The following PGM2 variants were observed in gnomAD, a reference collection of about 807,000 sequenced individuals.
PGM2 encodes phosphopentomutase.
In PGM2, 57 loss-of-function variants were observed where a neutral mutation model predicts 74.6. The ratio of observed to expected loss-of-function variants is 0.76; its 90% confidence interval spans 0.62 to 0.95. The LOEUF (loss-of-function observed/expected upper bound fraction) is 0.95. PGM2 is among the 40% of genes least tolerant of loss of function. The probability of loss-of-function intolerance (pLI) is 0.00; values close to 1 mark genes in which losing one functional copy is unlikely to be tolerated. For synonymous variants in PGM2, 273 were observed against 260.7 expected, an observed-to-expected ratio of 1.05 and a Z score of -0.46; for missense variants, 706 against 741.9, an observed-to-expected ratio of 0.95 and a Z score of 0.56.
At position 37,847,588 on chromosome 4, in the gene PGM2, C is replaced by T. The variant is rs534003243; in HGVS notation, c.1282+293C>T. 4 of 364,230 alleles carry T rather than the reference C, an allele frequency of 1.1e-5. No homozygotes were observed. In the East Asian group the frequency reaches 2.6e-4, roughly 24 times the overall value. The allele number at this position is 364,230 out of a possible 1,614,324, so 22.6% of individuals were successfully genotyped here. On this transcript the variant is annotated intron_variant, in intron 10 of 13. Transcript: ENST00000381967. The stretch of plus-strand genomic sequence containing the variant: ...TATTTTGGGAGTTGTGATGTTTCCT[C>T]CACTGTGGTGGTTAATATCCAGGCC...
Position 37,830,034 on chromosome 4 carries a change from T to G in PGM2, c.152T>G (p.Phe51Cys). 1 of 1,607,956 alleles carries G rather than the reference T, an allele frequency of 6.2e-7. No individual in the cohort carries two copies. The highest frequency in any genetic ancestry group is 1.3e-5 in the African/African-American group (1 of 74,884). ...EGNKEELRKC[F>C]GARMEFGTAG... ...AATAAAGAAGAACTACGAAAATGTTTTGGGGCCCGAATGGAGTTTGGGACA... is the reference window on the plus strand; with the variant it reads ...AATAAAGAAGAACTACGAAAATGTTGTGGGGCCCGAATGGAGTTTGGGACA... The change falls in exon 2 of 14, where the codon TTT (phenylalanine) becomes TGT (cysteine). Residue 51 changes from phenylalanine to cysteine, a missense_variant. Phe to Cys is a radical substitution (Grantham distance 205, BLOSUM62 -2). This residue lies in a region of PGM2 where 332 missense variants were observed against 334.9 expected (regional missense o/e 0.99). Transcript: ENST00000381967.
At chr4:37,847,704 C>T (rs1403758576) in intron 10 of PGM2, among the ~76,000 whole-genome samples, 1 of 152,128 alleles carries the variant, frequency 6.6e-6, no homozygotes, top group Non-Finnish European at 1.5e-5. Context: ...AGAAGGAAGG[C>T]ATGGTTTGCT....
intron 1 of PGM2, among the ~76,000 whole-genome samples, chr4:37,827,221 T>C (rs1725316669): frequency 6.6e-6 from 1 of 152,220 alleles, no homozygotes; most frequent in South Asian, 2.1e-4. Flanking sequence ...CCGTCCCGCG[T>C]ATTCCTTTGG....
intron 5 of PGM2, 35 bp from the exon 6 acceptor site, chr4:37,840,031 T>A: frequency 6.3e-7 from 1 of 1,582,054 alleles, no homozygotes; most frequent in Non-Finnish European, 8.7e-7. Context: ...TTCCATTAAC[T>A]GTAAACCTTC....
At chr4:37,856,678 A>C (rs1346454677) in intron 13 of PGM2, among the ~76,000 whole-genome samples, 1 of 152,152 alleles carries the variant, frequency 6.6e-6, no homozygotes, top group Non-Finnish European at 1.5e-5. Flanking sequence ...CCTATCCAAC[A>C]TGCCGTTAAC....
intron 2 of PGM2, among the ~76,000 whole-genome samples, chr4:37,833,919 T>G (rs1323415515): frequency 6.6e-6 from 1 of 152,176 alleles, no homozygotes; most frequent in African/African-American, 2.4e-5. Flanking sequence ...TTCTAGAGTA[T>G]GTGCTTTTAA....
intron 1 of PGM2, among the ~76,000 whole-genome samples, chr4:37,828,735 C>T (rs1449618023): frequency 6.6e-6 from 1 of 152,212 alleles, no homozygotes; most frequent in East Asian, 1.9e-4. Context: ...GAGGATCACT[C>T]GATATTGAGT....
chr4:37,834,979 TC>T (rs1276890662), intron 3 of PGM2, among the ~76,000 whole-genome samples: 1 of 152,206 alleles, frequency 6.6e-6, no homozygotes, highest in Non-Finnish European at 1.5e-5. Flanking sequence ...ATATTATTTT[TC>T]CCTCTCATTT....
chr4:37,828,368 T>G (rs1725352881), intron 1 of PGM2, among the ~76,000 whole-genome samples: 1 of 151,750 alleles, frequency 6.6e-6, no homozygotes. Flanking sequence ...TTTAATCACT[T>G]CTCATGTTCT....
chr4:37,828,560 T>C (rs1725356976), intron 1 of PGM2, among the ~76,000 whole-genome samples: 2 of 152,220 alleles, frequency 1.3e-5, no homozygotes, highest in South Asian at 4.1e-4. Context: ...CCCTGCTCTT[T>C]TCTCTGCTGT....
rs535172295 is a variant in PGM2, at chr4:37,840,254, C to T, written c.714C>T (p.Phe238=). The part of the protein sequence containing the change: ...DYFEDLKKYC[F]HRSVNRETKV... ...TTGAAGACCTTAAAAAGTACTGTTT[C>T]CACAGGTAAATGAATTGTGTCTTCA... The change falls in exon 6 of 14, where the codon TTC becomes TTT. Residue 238 remains phenylalanine (F), a synonymous_variant. Transcript: ENST00000381967. The T allele has an allele frequency of 6.3e-7, 1 of 1,589,840 alleles. No individual in the cohort carries two copies. Among genetic ancestry groups the T allele is most frequent in the South Asian group, 1.1e-5 (1 of 90,570 alleles).
rs1725998694 is a variant in PGM2 at position 37,850,197 on chromosome 4, A to G, written c.1426A>G (p.Ile476Val). Residue 476 changes from isoleucine (I) to valine (V), a missense_variant, in exon 12 of 14, where the codon ATT becomes GTT. Ile to Val is a conservative substitution (Grantham distance 29, BLOSUM62 3). Coordinates refer to ENST00000381967, the MANE Select transcript of PGM2 (RefSeq NM_018290.4). The stretch of plus-strand genomic sequence containing the variant: ...TTTGTTTGATAGGTATGGCTACCAT[A>G]TTACTAAAGCTTCCTATTTTATCTG... ...KAIYVEYGYH[I>V]TKASYFICHD... is the part of the protein sequence containing the mutation. 1 of 1,561,414 alleles carries G rather than the reference A, an allele frequency of 6.4e-7. No homozygotes were observed. The highest frequency in any genetic ancestry group is 1.4e-5 in the African/African-American group (1 of 71,848).
intron 13 of PGM2, among the ~76,000 whole-genome samples, chr4:37,856,066 A>G (rs1418139931): frequency 1.3e-5 from 2 of 152,116 alleles, no homozygotes; most frequent in South Asian, 2.1e-4. Context: ...CTCAAACTTC[A>G]GTCTTCCCAT....
intron 6 of PGM2, among the ~76,000 whole-genome samples, chr4:37,840,964 G>GTATA (rs58764009): frequency 1.4e-5 from 2 of 139,946 alleles, no homozygotes; most frequent in South Asian, 2.2e-4. Flanking sequence ...GTGTGTGTGT[G>GTATA]TATATATATA....
chr4:37,859,575 T>C (rs112210739), intron 13 of PGM2, among the ~76,000 whole-genome samples: 105 of 152,276 alleles, frequency 6.9e-4, no homozygotes, highest in Admixed American at 2.8e-3. Context: ...TAATCTCCTT[T>C]ACTTAAAATC....
At chr4:37,836,862 G>GGGGTGT (rs71658740) in intron 3 of PGM2, among the ~76,000 whole-genome samples, 58 of 150,528 alleles carry the variant, frequency 3.9e-4, no homozygotes, top group Non-Finnish European at 6.4e-4. Context: ...TATGTGTATG[G>GGGGTGT]GTGTGTGTGT....
In PGM2 at chr4:37,862,359, C is replaced by T. The variant is rs1452956677; in HGVS notation, c.*747C>T. 2.0e-5 allele frequency: 3 copies of T among 152,022 alleles called. No homozygotes were observed. Among genetic ancestry groups the T allele is most frequent in the African/African-American group, 7.2e-5 (3 of 41,432 alleles). The allele number at this position is 152,022 out of a possible 1,614,324, so 9.4% of individuals were successfully genotyped here. ...TTTTTCTGTTTTTTGGTTGTTTGTT[C>T]ATTTGTATTAGCACAATTTAATGTA... On this transcript the variant is annotated 3_prime_UTR_variant, in exon 14 of 14. Transcript: ENST00000381967.
At chr4:37,861,072 A>G (rs965267788) in intron 13 of PGM2, among the ~76,000 whole-genome samples, 1 of 152,180 alleles carries the variant, frequency 6.6e-6, no homozygotes, top group African/African-American at 2.4e-5. Flanking sequence ...GAGGGCAGAC[A>G]TCATCACAAA....
chr4:37,837,694 AT>A (rs920012460), intron 4 of PGM2, 81 bp downstream of exon 4: 25 of 854,410 alleles, frequency 2.9e-5, no homozygotes, highest in Non-Finnish European at 4.7e-5. Flanking sequence ...CTTTAGGGCT[AT>A]TGGGATTGGA....
Sources: allele counts gnomAD v4.1 joint callset (sites outside exome capture counted in the v4.1 genomes callset), GRCh38; gene constraint gnomAD v4.1.1; regional missense constraint gnomAD v4.1.1; transcripts MANE v1.5; gene names NCBI Gene and HGNC (gene_info 2026-07-23, HGNC 2026-07-21).